Variants in NUBPL observed in about 807,000 individuals in gnomAD.
The protein encoded by NUBPL is NUBP iron-sulfur cluster assembly factor, mitochondrial.
Under a neutral mutation model 45.7 loss-of-function variants are expected in NUBPL, and 31 were observed. The observed-to-expected ratio is 0.68, with a 90% CI of 0.51 to 0.92. The LOEUF is 0.92. Among genes scored for constraint, NUBPL ranks in the 40% least tolerant of loss-of-function variants. NUBPL has a pLI of 0.00. For missense variants in NUBPL, 401 were observed against 398.7 expected (o/e 1.01, Z -0.05); for synonymous variants, 144 against 140.9 (o/e 1.02, Z -0.15).
intron 6 of NUBPL, among the ~76,000 whole-genome samples, chr14:31,745,342 G>T (rs963550364): frequency 6.7e-5 from 10 of 150,260 alleles, no homozygotes; most frequent in Admixed American, 2.0e-4. Flanking sequence ...GAGAATGATG[G>T]TTTCCACCTT....
intron 6 of NUBPL, among the ~76,000 whole-genome samples, chr14:31,774,990 G>T (rs2039074025): frequency 6.6e-6 from 1 of 152,116 alleles, no homozygotes; most frequent in African/African-American, 2.4e-5. Context: ...TGATTCCAAG[G>T]ATTTTAGGAT....
chr14:31,755,747 G>C (rs1024947414), intron 6 of NUBPL, among the ~76,000 whole-genome samples: 2 of 151,670 alleles, frequency 1.3e-5, no homozygotes, highest in Admixed American at 1.3e-4. Context: ...CATTGCTTTC[G>C]GTGTTTTAGA....
chr14:31,638,790 A>G lies in NUBPL; in HGVS notation c.383-34565A>G, dbSNP rs114914903. On this transcript the variant is annotated intron_variant, in intron 4 of 10. Coordinates refer to ENST00000281081, the MANE Select transcript of NUBPL (RefSeq NM_025152.3). ...TCTCTTGAAGGCTTTGTTCGTTTCT[A>G]TTCTTTTTTCTCTAAACTTCCCTTC... 6.1e-3 allele frequency among the ~76,000 whole-genome samples: 917 copies of G among 151,306 alleles called. 11 individuals carry two copies. The highest frequency in any genetic ancestry group is 0.021 in the African/African-American group (857 of 41,348).
At chr14:31,728,334 TA>T (rs754202475) in intron 6 of NUBPL, among the ~76,000 whole-genome samples, 199 of 152,182 alleles carry the variant, frequency 1.3e-3, no homozygotes, top group Non-Finnish European at 4.1e-4. Flanking sequence ...ATTGTTAAAA[TA>T]GAGACAAGAT....
chr14:31,836,654 G>A (rs931446396), intron 8 of NUBPL, among the ~76,000 whole-genome samples: 6 of 152,150 alleles, frequency 3.9e-5, no homozygotes, highest in African/African-American at 1.4e-4. Flanking sequence ...ATGGAGGATT[G>A]CTGTTAAGTG....
chr14:31,825,565 A>G (rs2138962810), intron 7 of NUBPL, among the ~76,000 whole-genome samples: 1 of 148,070 alleles, frequency 6.8e-6, no homozygotes, highest in Non-Finnish European at 1.5e-5. Flanking sequence ...TCAGTCTCCC[A>G]AGTAGACTAT....
Position 31,611,736 on chromosome 14 carries a change from G to A in NUBPL, c.382+12357G>A, listed in dbSNP as rs74822678. Reference sequence around the variant, plus strand: ...ATAAAAACAGACACACAGACGAATAGAACCAAATAAAGAACCCAGAAACAA... The same window carrying A: ...ATAAAAACAGACACACAGACGAATAAAACCAAATAAAGAACCCAGAAACAA... On this transcript the variant is annotated intron_variant, in intron 4 of 10. Coordinates refer to ENST00000281081, the MANE Select transcript of NUBPL (RefSeq NM_025152.3). 2.8e-3 allele frequency among the ~76,000 whole-genome samples: 419 copies of A among 151,968 alleles called. 2 individuals are homozygous for A. Among genetic ancestry groups the A allele is most frequent in the African/African-American group, 9.4e-3 (387 of 41,330 alleles).
chr14:31,811,436 A>G (rs1291646443), intron 7 of NUBPL, among the ~76,000 whole-genome samples: 2 of 152,044 alleles, frequency 1.3e-5, no homozygotes, highest in African/African-American at 4.8e-5. Context: ...TGCATGCATC[A>G]CATAGTTCTT....
chr14:31,581,956 G>T (rs181704585), intron 3 of NUBPL, among the ~76,000 whole-genome samples: 1 of 152,088 alleles, frequency 6.6e-6, no homozygotes, highest in South Asian at 2.1e-4. Context: ...TTAAAAGTTG[G>T]CATTGATTTT....
intron 6 of NUBPL, among the ~76,000 whole-genome samples, chr14:31,699,591 T>G (rs2037288212): frequency 6.6e-6 from 1 of 151,910 alleles, no homozygotes; most frequent in African/African-American, 2.4e-5. Context: ...ATTTTAAATT[T>G]TTGCTTGAAA....
chr14:31,705,077 G>A (rs866942864), intron 6 of NUBPL, among the ~76,000 whole-genome samples: 2 of 151,766 alleles, frequency 1.3e-5, no homozygotes, highest in African/African-American at 4.8e-5. Flanking sequence ...CAGTGGGTTC[G>A]TGGTCTCACT....
intron 10 of NUBPL, among the ~76,000 whole-genome samples, chr14:31,853,824 A>C (rs1310329750): frequency 1.3e-5 from 2 of 152,152 alleles, no homozygotes; most frequent in Non-Finnish European, 2.9e-5. Flanking sequence ...AGGGGTGAGA[A>C]GGCGATATTT....
intron 4 of NUBPL, among the ~76,000 whole-genome samples, chr14:31,626,155 T>C (rs1482991835): frequency 8.4e-6 from 1 of 118,378 alleles, no homozygotes; most frequent in Non-Finnish European, 1.5e-5. Flanking sequence ...CTTTATCTTA[T>C]TTTATTTTAT....
chr14:31,683,841 C>T (rs955400970), intron 6 of NUBPL, among the ~76,000 whole-genome samples: 1 of 152,008 alleles, frequency 6.6e-6, no homozygotes, highest in Non-Finnish European at 1.5e-5. Flanking sequence ...ATTTTTCCCT[C>T]CTTATTTTCA....
intron 6 of NUBPL, among the ~76,000 whole-genome samples, chr14:31,741,351 T>C (rs1161153954): frequency 2.0e-5 from 3 of 152,176 alleles, no homozygotes; most frequent in Non-Finnish European, 4.4e-5. Context: ...AGATCCCTGC[T>C]CACTGCCCTC....
At chr14:31,660,243 C>T (rs6571445) in intron 4 of NUBPL, among the ~76,000 whole-genome samples, 152,131 of 152,292 alleles carry the variant, frequency 1, 75,986 homozygotes, top group Middle Eastern at 1. Context: ...TCTCTTTAAA[C>T]CCCTCTTCTT....
At chr14:31,743,721 C>T (rs909613147) in intron 6 of NUBPL, among the ~76,000 whole-genome samples, 4 of 152,040 alleles carry the variant, frequency 2.6e-5, no homozygotes, top group African/African-American at 9.7e-5. Context: ...CCTAGACTTT[C>T]CTGGATGAGG....
chr14:31,679,253 G>C (rs953798494), intron 6 of NUBPL, among the ~76,000 whole-genome samples: 2 of 152,128 alleles, frequency 1.3e-5, no homozygotes, highest in African/African-American at 2.4e-5. Context: ...GGTATTCTGA[G>C]TGCTCATCTG....
chr14:31,707,763 A>G (rs1214297457), intron 6 of NUBPL, among the ~76,000 whole-genome samples: 6 of 152,238 alleles, frequency 3.9e-5, no homozygotes, highest in Non-Finnish European at 7.3e-5. Context: ...TTGATTAGCT[A>G]GAAAGTTCAA....
Sources: allele counts gnomAD v4.1 joint callset (sites outside exome capture counted in the v4.1 genomes callset), GRCh38; gene constraint gnomAD v4.1.1; transcripts MANE v1.5; gene names NCBI Gene and HGNC (gene_info 2026-07-23, HGNC 2026-07-21).